NFIA: variants seen among roughly 807,000 people sequenced by gnomAD.
NFIA encodes the protein nuclear factor 1 A-type.
Under a neutral mutation model 62.8 loss-of-function variants are expected in NFIA, and 8 were observed. That is an observed-to-expected ratio of 0.13 (90% confidence interval 0.07 to 0.23). The LOEUF is 0.23. Ranked by LOEUF, NFIA falls within the 10% of genes least tolerant of loss-of-function variation. The pLI, the probability that NFIA is intolerant of heterozygous loss-of-function variation, is 1.00. For missense variants in NFIA, 410 were observed against 642.1 expected (o/e 0.64, Z 3.91); for synonymous variants, 235 against 238.1 (o/e 0.99, Z 0.12).
intron 2 of NFIA, among the ~76,000 whole-genome samples, chr1:61,167,069 A>C (rs951663442): frequency 1.3e-5 from 2 of 152,212 alleles, no homozygotes; most frequent in African/African-American, 4.8e-5. Context: ...TGAACCCAGG[A>C]GGTGGAGGTT....
At chr1:61,422,008 T>C (rs1439985356) in intron 9 of NFIA, among the ~76,000 whole-genome samples, 5 of 152,216 alleles carry the variant, frequency 3.3e-5, no homozygotes, top group Non-Finnish European at 5.9e-5. Context: ...ACGCCTGTAA[T>C]CCCAGCACTT....
intron 3 of NFIA, among the ~76,000 whole-genome samples, chr1:61,291,884 C>T (rs768388651): frequency 1.3e-5 from 2 of 152,118 alleles, no homozygotes; most frequent in African/African-American, 2.4e-5. Context: ...TATAGTGTTA[C>T]ATGCATTATG....
intron 2 of NFIA, among the ~76,000 whole-genome samples, chr1:61,097,191 G>A (rs918305705): frequency 6.6e-6 from 1 of 152,120 alleles, no homozygotes; most frequent in African/African-American, 2.4e-5. Flanking sequence ...ATTGTCAACT[G>A]TATCTAGTTC....
At chr1:61,204,653 G>C (rs966000620) in intron 2 of NFIA, among the ~76,000 whole-genome samples, 6 of 151,966 alleles carry the variant, frequency 3.9e-5, no homozygotes, top group Non-Finnish European at 8.8e-5. Flanking sequence ...GTCTGCCTTA[G>C]TCCACCTTCT....
chr1:61,442,772 G>T (rs568601919), intron 10 of NFIA, among the ~76,000 whole-genome samples: 1 of 152,300 alleles, frequency 6.6e-6, no homozygotes, highest in East Asian at 1.9e-4. Flanking sequence ...TATCTCTTAT[G>T]CAAATTATCT....
chr1:61,078,119 A>C (rs1570099444), upstream of NFIA, among the ~76,000 whole-genome samples: 1 of 152,064 alleles, frequency 6.6e-6, no homozygotes, highest in Non-Finnish European at 1.5e-5. Context: ...TGGGTGTACA[A>C]TAGTTCTCAA....
rs1646250125 is a variant in NFIA at position 61,088,047 on chromosome 1, A to T, written c.28-102A>T. 8.2e-7 allele frequency: 1 copy of T among 1,214,342 alleles called. No homozygotes were observed. Among genetic ancestry groups the T allele is most frequent in the Non-Finnish European group, 1.1e-6 (1 of 872,002 alleles). The allele number at this position is 1,214,342 out of a possible 1,614,324, so 75.2% of individuals were successfully genotyped here. On this transcript the variant is annotated intron_variant, in intron 1 of 10. Transcript: ENST00000403491. This position sits in a 1 kb window ranked among gnomAD's most constrained non-coding sequence, Gnocchi z 4.5. ...TAACAGAATGCTCTAATCAAATTTCAAGTGAAATGAGGAATTTCTTTCTTA... is the reference window on the plus strand; with the variant it reads ...TAACAGAATGCTCTAATCAAATTTCTAGTGAAATGAGGAATTTCTTTCTTA...
At position 61,458,337 on chromosome 1, in the gene NFIA, T is replaced by A. The variant is rs1038444510; in HGVS notation, c.*3017T>A. ...ACCAGTAAATTGGTTGTATATACAA[T>A]AAAATTGCACCCTTTTTTAAACAAA... On this transcript the variant is annotated 3_prime_UTR_variant, in exon 11 of 11. Coordinates refer to ENST00000403491, the MANE Select transcript of NFIA (RefSeq NM_001134673.4). The A allele has an allele frequency of 1.3e-5, 2 of 152,134 alleles. No homozygotes were observed. The highest frequency in any genetic ancestry group is 2.9e-5 in the Non-Finnish European group (2 of 68,014). 9.4% of individuals were successfully genotyped at this position (152,134 alleles called of 1,614,324 possible).
At chr1:61,426,294 C>A (rs1666863266) in intron 9 of NFIA, among the ~76,000 whole-genome samples, 171 bp from the exon 10 acceptor site, 1 of 152,168 alleles carries the variant, frequency 6.6e-6, no homozygotes, top group Non-Finnish European at 1.5e-5. Context: ...CCTCTTCCCC[C>A]TTTTTTGACT....
At chr1:61,314,484 G>C (rs1341805834) in intron 3 of NFIA, among the ~76,000 whole-genome samples, 1 of 152,094 alleles carries the variant, frequency 6.6e-6, no homozygotes, top group Non-Finnish European at 1.5e-5. Flanking sequence ...TAAATAATAA[G>C]CTATAAGAAA....
chr1:61,137,332 A>G (rs1647215983), intron 2 of NFIA, among the ~76,000 whole-genome samples: 1 of 152,172 alleles, frequency 6.6e-6, no homozygotes, highest in Non-Finnish European at 1.5e-5. Flanking sequence ...GATAAGGAAA[A>G]AAGAGATTCA....
rs769694586 is a variant in NFIA at position 61,349,244 on chromosome 1, C to T, written c.701-3206C>T. 3.9e-5 allele frequency among the ~76,000 whole-genome samples: 6 copies of T among 151,924 alleles called. No individual in the cohort carries two copies. The South Asian group carries it at 8.3e-4, about 21-fold the overall frequency. On this transcript the variant is annotated intron_variant, in intron 4 of 10. Coordinates refer to ENST00000403491, the MANE Select transcript of NFIA (RefSeq NM_001134673.4). ...TCAAGCCTCACCGTTTTTTTTTAAACGAAAGGCCCTTAGAGCCTGTTACTG... is the reference window on the plus strand; with the variant it reads ...TCAAGCCTCACCGTTTTTTTTTAAATGAAAGGCCCTTAGAGCCTGTTACTG...
At chr1:61,132,057 C>G (rs1164639586) in intron 2 of NFIA, among the ~76,000 whole-genome samples, 1 of 152,062 alleles carries the variant, frequency 6.6e-6, no homozygotes, top group Non-Finnish European at 1.5e-5. Context: ...TTATACACTT[C>G]TGTAGAAAAA....
At chr1:61,170,929 T>G (rs1649923302) in intron 2 of NFIA, among the ~76,000 whole-genome samples, 1 of 152,118 alleles carries the variant, frequency 6.6e-6, no homozygotes, top group African/African-American at 2.4e-5. Context: ...AAAAGAGACA[T>G]TCTTTCTTAA....
intron 2 of NFIA, among the ~76,000 whole-genome samples, chr1:61,177,106 A>G (rs1650429763): frequency 6.6e-6 from 1 of 151,966 alleles, no homozygotes; most frequent in South Asian, 2.1e-4. Context: ...ACTCTGTCTC[A>G]ACCAAAAAAA....
At chr1:61,243,030 GC>G (rs1216472529) in intron 2 of NFIA, among the ~76,000 whole-genome samples, 1 of 152,000 alleles carries the variant, frequency 6.6e-6, no homozygotes, top group East Asian at 1.9e-4. Context: ...ATTTTCTCCT[GC>G]CATTTAGGCA....
chr1:61,418,817 C>T (rs1666474426), intron 9 of NFIA, among the ~76,000 whole-genome samples: 2 of 152,184 alleles, frequency 1.3e-5, no homozygotes, highest in African/African-American at 2.4e-5. Context: ...CAGAGTTGCA[C>T]TGCCTTTTGA....
At position 61,385,802 on chromosome 1, in the gene NFIA, G is replaced by A. The variant is rs1664653656; in HGVS notation, c.1075+2437G>A. On this transcript the variant is annotated intron_variant, in intron 7 of 10. Transcript: ENST00000403491. Reference sequence around the variant, plus strand: ...TATTCATATTCATTCATAAAACTGTGTTTGAGGAAAAGAGAAAGATGCCTA... The same window carrying A: ...TATTCATATTCATTCATAAAACTGTATTTGAGGAAAAGAGAAAGATGCCTA... The A allele has an allele frequency of 3.3e-5, 5 of 152,184 alleles. No homozygotes were observed. In the South Asian group the frequency reaches 1.0e-3, roughly 32 times the overall value. 9.4% of individuals were successfully genotyped at this position (152,184 alleles called of 1,614,324 possible).
At chr1:61,239,811 A>C (rs1655230976) in intron 2 of NFIA, among the ~76,000 whole-genome samples, 1 of 152,160 alleles carries the variant, frequency 6.6e-6, no homozygotes, top group South Asian at 2.1e-4. Flanking sequence ...TTAGATATCA[A>C]CTATGCTGTA....
Sources: gnomAD v4.1 joint callset for allele counts (sites outside exome capture counted in the v4.1 genomes callset) on GRCh38, gnomAD v4.1.1 for gene constraint, Gnocchi (gnomAD v3.1) non-coding constraint, MANE v1.5 for transcripts, NCBI Gene and HGNC (gene_info 2026-07-23, HGNC 2026-07-21) for gene names.